ZNF596: variants seen among roughly 807,000 people sequenced by gnomAD.
ZNF596 encodes zinc finger protein 596.
In ZNF596, 45 loss-of-function variants were observed where a neutral mutation model predicts 48.3. The observed-to-expected ratio is 0.93, with a 90% confidence interval of 0.73 to 1.19. The LOEUF (loss-of-function observed/expected upper bound fraction) is 1.19, where lower values mean the gene tolerates loss of function less well. Among genes scored for constraint, ZNF596 ranks in the 50% most tolerant of loss-of-function variants. ZNF596 has a pLI of 0.00. For synonymous variants in ZNF596, 270 were observed against 202.0 expected, an observed-to-expected ratio of 1.34 and a Z score of -2.85; for missense variants, 848 against 599.7, an observed-to-expected ratio of 1.41 and a Z score of -4.32.
At position 246,094 on chromosome 8, in the gene ZNF596, A is replaced by G. The variant is rs1289686930; in HGVS notation, c.1247A>G (p.Glu416Gly). The change falls in exon 6 of 6, where the codon GAA becomes GGA. Residue 416 changes from glutamate (E) to glycine (G), a missense_variant. Glu to Gly is a moderately conservative substitution (Grantham distance 98). Coordinates refer to ENST00000398612, the MANE Select transcript of ZNF596 (RefSeq NM_001042416.3). The part of the protein sequence containing the change: ...LRRHERTHTG[E>G]KPYECHLCGK... ...CGACATGAGAGAACTCACACTGGAG[A>G]AAAACCATATGAATGCCATCTATGC... is the stretch of plus-strand genomic sequence containing the variant. 1 of 1,613,596 alleles carries G rather than the reference A, an allele frequency of 6.2e-7. No individual in the cohort carries two copies. The highest frequency in any genetic ancestry group is 1.7e-5 in the Admixed American group (1 of 60,016).
chr8:242,627 T>C (rs1796899792), intron 2 of ZNF596, among the ~76,000 whole-genome samples: 1 of 152,220 alleles, frequency 6.6e-6, no homozygotes, highest in Non-Finnish European at 1.5e-5. Context: ...AGTTATACTT[T>C]AGAAGTCTAT....
At chr8:241,731 C>A (rs1313098188) in intron 2 of ZNF596, among the ~76,000 whole-genome samples, 1 of 152,120 alleles carries the variant, frequency 6.6e-6, no homozygotes, top group Non-Finnish European at 1.5e-5. Context: ...GTACCTAGTG[C>A]ATTAGTCCAT....
intron 1 of ZNF596, chr8:233,495 T>C (rs150593635): frequency 0.011 from 2,486 of 231,912 alleles, 18 homozygotes; most frequent in African/African-American, 0.056. Flanking sequence ...TTTGAGTTAG[T>C]TTAGTATTCA....
intron 1 of ZNF596, among the ~76,000 whole-genome samples, chr8:235,370 A>C (rs985402667): frequency 6.6e-6 from 1 of 152,246 alleles, no homozygotes; most frequent in African/African-American, 2.4e-5. Flanking sequence ...GGTGCATTTT[A>C]TAATGTAATA....
chr8:241,017 C>A (rs1252007012), intron 2 of ZNF596, 110 bp downstream of exon 2: 1 of 1,335,058 alleles, frequency 7.5e-7, no homozygotes, highest in Non-Finnish European at 1.1e-6. Context: ...GATCCAAGCT[C>A]CAATTAAGAT....
intron 1 of ZNF596, among the ~76,000 whole-genome samples, chr8:238,628 CAAAAAAAAAAA>C (rs1167168569): frequency 0.15 from 6,169 of 39,976 alleles, 375 homozygotes; most frequent in African/African-American, 0.29. Flanking sequence ...TGGTGAAATA[CAAAAAAAAAAA>C]AAAAAAAAAA....
intron 1 of ZNF596, among the ~76,000 whole-genome samples, chr8:239,889 A>AC (rs148391077): frequency 0.016 from 2,372 of 152,092 alleles, 48 homozygotes; most frequent in African/African-American, 0.056. Flanking sequence ...TCAGGTGATC[A>AC]CCCCCCATCC....
Position 245,427 on chromosome 8 carries a change from A to G in ZNF596, c.580A>G (p.Thr194Ala). The G allele has an allele frequency of 6.2e-7, 1 of 1,614,182 alleles. No individual in the cohort carries two copies. The change falls in exon 6 of 6, where the codon ACA becomes GCA. Residue 194 changes from threonine to alanine, a missense_variant. Coordinates refer to ENST00000398612, the MANE Select transcript of ZNF596 (RefSeq NM_001042416.3). Reference protein sequence around the residue: ...PHSVTHTREITLECRVCGKTF... With the variant: ...PHSVTHTREIALECRVCGKTF... ...CAGTGTGACTCACACTAGAGAGATA[A>G]CATTGGAATGTCGTGTGTGTGGGAA...
chr8:242,465 T>C (rs1294808154), intron 2 of ZNF596, among the ~76,000 whole-genome samples: 1 of 148,002 alleles, frequency 6.8e-6, no homozygotes, highest in African/African-American at 2.7e-5. Flanking sequence ...TGAGGTCCTA[T>C]AGTGGAATAT....
chr8:246,776 C>T lies in ZNF596; in HGVS notation c.*414C>T, dbSNP rs1397589746. 6.2e-6 allele frequency: 1 copy of T among 161,678 alleles called. No individual in the cohort carries two copies. Among genetic ancestry groups the T allele is most frequent in the Non-Finnish European group, 1.3e-5 (1 of 74,334 alleles). The allele number at this position is 161,678 out of a possible 1,614,324, so 10.0% of individuals were successfully genotyped here. A position where few individuals can be genotyped will look rare whatever the true frequency, so the allele number is the denominator to read the frequency against. On this transcript the variant is annotated 3_prime_UTR_variant, in exon 6 of 6. Coordinates refer to ENST00000398612, the MANE Select transcript of ZNF596 (RefSeq NM_001042416.3). ...CTGTGCACTCTCATTCAGCTAAGCACCAATTTTGGTGTGTGCAAGAAAATT... is the reference window on the plus strand; with the variant it reads ...CTGTGCACTCTCATTCAGCTAAGCATCAATTTTGGTGTGTGCAAGAAAATT...
intron 2 of ZNF596, among the ~76,000 whole-genome samples, chr8:241,527 C>T (rs1410074338): frequency 6.6e-6 from 1 of 152,118 alleles, no homozygotes; most frequent in Non-Finnish European, 1.5e-5. Context: ...CCAAATTAAC[C>T]TCTGATCAAA....
Position 244,691 on chromosome 8 carries a change from T to C in ZNF596, c.296T>C (p.Ile99Thr). ...QHIYQKGTST[I>T]STMRSHTQED... Reference sequence around the variant, plus strand: ...ATCTATCAGAAGGGCACGTCCACCATCAGCACAATGGTAAGCTTTATGGAT... The same window carrying C: ...ATCTATCAGAAGGGCACGTCCACCACCAGCACAATGGTAAGCTTTATGGAT... Residue 99 changes from isoleucine (I) to threonine (T), a missense_variant, in exon 5 of 6, where the codon ATC becomes ACC. Transcript: ENST00000398612. The C allele has an allele frequency of 6.2e-7, 1 of 1,613,190 alleles. No homozygotes were observed. The highest frequency in any genetic ancestry group is 8.5e-7 in the Non-Finnish European group (1 of 1,179,478).
At chr8:238,626 TACAAAAA>T (rs1796716582) in intron 1 of ZNF596, among the ~76,000 whole-genome samples, 1 of 9,470 alleles carries the variant, frequency 1.1e-4, no homozygotes, top group African/African-American at 5.1e-4. Context: ...CATGGTGAAA[TACAAAAA>T]AAAAAAAAAA....
intron 3 of ZNF596, chr8:243,337 A>C (rs748857610): frequency 1.1e-5 from 3 of 267,146 alleles, no homozygotes; most frequent in Non-Finnish European, 2.1e-5. Context: ...GATTTCTTTA[A>C]AGTAATTATT....
At chr8:240,567 C>T (rs1796811349) in intron 1 of ZNF596, 2 of 297,122 alleles carry the variant, frequency 6.7e-6, no homozygotes, top group South Asian at 8.2e-5. Context: ...TTAAACATTT[C>T]AGAATTCCAT....
At chr8:245,010 G>A (rs185324633) in intron 5 of ZNF596, 144 bp from the exon 6 acceptor site, 42 of 1,022,434 alleles carry the variant, frequency 4.1e-5, no homozygotes, top group Middle Eastern at 3.2e-4. Flanking sequence ...AATATACTAC[G>A]TTTGTATAAC....
intron 1 of ZNF596, among the ~76,000 whole-genome samples, chr8:236,166 G>A (rs974530318): frequency 2.0e-5 from 3 of 151,970 alleles, no homozygotes; most frequent in Non-Finnish European, 2.9e-5. Flanking sequence ...ATTTCAAATC[G>A]TAGTCATAAT....
chr8:243,874 C>T (rs1796955101), intron 4 of ZNF596, 69 bp downstream of exon 4: 5 of 1,327,740 alleles, frequency 3.8e-6, no homozygotes, highest in Non-Finnish European at 5.3e-6. Flanking sequence ...TAGGACCCAA[C>T]AGTTGCCAAA....
rs1365857015 is a variant in ZNF596, at chr8:246,057, T to C, written c.1210T>C (p.Ser404Pro). The part of the protein sequence containing the change: ...HVCGKAFTES[S>P]DLRRHERTHT... Reference sequence around the variant, plus strand: ...ATGTGGGAAAGCCTTCACTGAATCTTCTGACCTCAGACGACATGAGAGAAC... The same window carrying C: ...ATGTGGGAAAGCCTTCACTGAATCTCCTGACCTCAGACGACATGAGAGAAC... Residue 404 changes from serine to proline, a missense_variant, in exon 6 of 6, where the codon TCT (serine) becomes CCT (proline). Ser to Pro is a moderately conservative substitution (Grantham distance 74). Transcript: ENST00000398612. 6.2e-7 allele frequency: 1 copy of C among 1,614,180 alleles called. No individual in the cohort carries two copies. Among genetic ancestry groups the C allele is most frequent in the Non-Finnish European group, 8.5e-7 (1 of 1,180,026 alleles).
Sources: gnomAD v4.1 joint callset for allele counts (sites outside exome capture counted in the v4.1 genomes callset) on GRCh38, gnomAD v4.1.1 for gene constraint, MANE v1.5 for transcripts, NCBI Gene and HGNC (gene_info 2026-07-23, HGNC 2026-07-21) for gene names.